UIMC1: variants seen among roughly 807,000 people sequenced by gnomAD.
UIMC1 encodes the protein BRCA1-A complex subunit RAP80.
Under a neutral mutation model 84.9 loss-of-function variants are expected in UIMC1, and 42 were observed. The observed-to-expected ratio is 0.49, with a 90% CI of 0.39 to 0.64. UIMC1 has a LOEUF of 0.64. Ranked by LOEUF, UIMC1 falls within the 30% of genes least tolerant of loss-of-function variation. UIMC1 has a pLI of 0.00. For synonymous variants in UIMC1, 281 were observed against 293.0 expected (o/e 0.96, Z 0.42); for missense variants, 825 against 847.6 (o/e 0.97, Z 0.33).
At chr5:176,932,126 C>T (rs1361773947) in intron 10 of UIMC1, among the ~76,000 whole-genome samples, 1 of 152,142 alleles carries the variant, frequency 6.6e-6, no homozygotes, top group East Asian at 1.9e-4. Flanking sequence ...CATTCAGTAG[C>T]TAAGAGTATG....
At chr5:176,969,761 GA>G in intron 4 of UIMC1, 55 bp from the exon 5 acceptor site, 1 of 1,513,708 alleles carries the variant, frequency 6.6e-7, no homozygotes, top group Non-Finnish European at 9.1e-7. Flanking sequence ...AACTATATAT[GA>G]AGGGTCACAG....
At chr5:177,014,901 C>T (rs541506702) in intron 1 of UIMC1, among the ~76,000 whole-genome samples, 7 of 152,076 alleles carry the variant, frequency 4.6e-5, no homozygotes, top group Admixed American at 3.3e-4. Context: ...TAACTTTATC[C>T]GGTAAGCAAC....
intron 1 of UIMC1, among the ~76,000 whole-genome samples, chr5:176,997,067 G>A (rs1773716350): frequency 6.6e-6 from 1 of 152,130 alleles, no homozygotes; most frequent in South Asian, 2.1e-4. Context: ...AGAGCCCTGA[G>A]AAAAGAGTTG....
intron 10 of UIMC1, among the ~76,000 whole-genome samples, chr5:176,930,536 T>A (rs113926331): frequency 6.6e-6 from 1 of 152,216 alleles, no homozygotes; most frequent in African/African-American, 2.4e-5. Flanking sequence ...ATTAGAACAA[T>A]ATACAAAAAG....
At chr5:176,969,940 G>T in intron 4 of UIMC1, 2 of 431,540 alleles carry the variant, frequency 4.6e-6, no homozygotes, top group South Asian at 3.4e-5. Context: ...TAAAAAGATG[G>T]TTCAGGACCT....
chr5:176,955,307 TA>T (rs1447846969), intron 8 of UIMC1, among the ~76,000 whole-genome samples: 1 of 152,108 alleles, frequency 6.6e-6, no homozygotes, highest in Non-Finnish European at 1.5e-5. Context: ...AAAAGCAAAC[TA>T]AAGCACTTAA....
intron 1 of UIMC1, among the ~76,000 whole-genome samples, chr5:176,995,114 C>A (rs1773415221): frequency 6.6e-6 from 1 of 152,078 alleles, no homozygotes; most frequent in South Asian, 2.1e-4. Context: ...CTCTTTTTAA[C>A]TTTGCTTCAA....
Position 176,969,211 on chromosome 5 carries a change from G to A in UIMC1, c.544C>T (p.Pro182Ser), listed in dbSNP as rs775831076. The A allele has an allele frequency of 3.1e-5, 50 of 1,614,022 alleles. No individual in the cohort carries two copies. The highest frequency in any genetic ancestry group is 3.9e-5 in the Non-Finnish European group (46 of 1,180,030). Residue 182 changes from proline to serine, a missense_variant, in exon 6 of 15, where the codon CCT becomes TCT. By Grantham distance (74) the Pro-to-Ser change is moderately conservative. Transcript: ENST00000511320. Reference sequence around the variant, plus strand: ...TCAGTTTTTTCAGTGTGGTCCCAAGGCTCCTCTCTTTCCTCAGCCTCGTTT... The same window carrying A: ...TCAGTTTTTTCAGTGTGGTCCCAAGACTCCTCTCTTTCCTCAGCCTCGTTT... The part of the protein sequence containing the change: ...QGNEAEEREE[P>S]WDHTEKTEEE...
rs1206137074 is a variant in UIMC1 at position 176,905,128 on chromosome 5, TAAA to T, written c.*151_*153del. On this transcript the variant is annotated 3_prime_UTR_variant, in exon 15 of 15. Transcript: ENST00000511320. ...AATACACAGTTGTCTGCATAGATCATAAAAAACATAAAAACCAGAATGCTGGGT... is the reference window on the plus strand; with the variant it reads ...AATACACAGTTGTCTGCATAGATCATAAACATAAAAACCAGAATGCTGGGT... 239 of 693,444 alleles carry T rather than the reference TAAA, an allele frequency of 3.4e-4. No homozygotes were observed. Among genetic ancestry groups the T allele is most frequent in the Non-Finnish European group, 1.8e-4 (76 of 421,054 alleles). The allele number at this position is 693,444 out of a possible 1,614,324, so 43.0% of individuals were successfully genotyped here.
chr5:176,953,148 A>C (rs1159779427), intron 8 of UIMC1, among the ~76,000 whole-genome samples: 1 of 152,162 alleles, frequency 6.6e-6, no homozygotes, highest in Non-Finnish European at 1.5e-5. Flanking sequence ...CAGACACTGA[A>C]TCTGCCAACT....
chr5:176,981,273 T>C (rs547880998), intron 2 of UIMC1, among the ~76,000 whole-genome samples: 1 of 151,348 alleles, frequency 6.6e-6, no homozygotes, highest in Non-Finnish European at 1.5e-5. Context: ...GCCTCCAAAG[T>C]AGCTGGGACT....
chr5:177,021,486 G>A (rs1169874512), intron 1 of UIMC1, among the ~76,000 whole-genome samples: 1 of 152,174 alleles, frequency 6.6e-6, no homozygotes, highest in Non-Finnish European at 1.5e-5. Flanking sequence ...AGTAGCCAGA[G>A]AAGGAAGTGG....
intron 10 of UIMC1, among the ~76,000 whole-genome samples, chr5:176,935,103 C>T (rs1201926572): frequency 6.6e-6 from 1 of 152,130 alleles, no homozygotes; most frequent in Non-Finnish European, 1.5e-5. Context: ...TAACACTCAC[C>T]AATAATTATT....
rs538412464 is a variant in UIMC1 at position 176,951,856 on chromosome 5, T to C, written c.1340-279A>G. 2.6e-5 allele frequency among the ~76,000 whole-genome samples: 4 copies of C among 152,330 alleles called. No homozygotes were observed. The East Asian group carries it at 7.7e-4, about 29-fold the overall frequency. On this transcript the variant is annotated intron_variant, in intron 8 of 14. Coordinates refer to ENST00000511320, the MANE Select transcript of UIMC1 (RefSeq NM_001199298.2). ...CATGTAACCTCTACGATAATCAAGATATAAAACATTTCCAACACCCCAAAA... is the reference window on the plus strand; with the variant it reads ...CATGTAACCTCTACGATAATCAAGACATAAAACATTTCCAACACCCCAAAA...
At chr5:176,992,032 T>C (rs1391999260) in intron 1 of UIMC1, among the ~76,000 whole-genome samples, 1 of 151,084 alleles carries the variant, frequency 6.6e-6, no homozygotes, top group African/African-American at 2.4e-5. Flanking sequence ...TAAAGTGGCA[T>C]GATCACCTGA....
In UIMC1 at chr5:176,969,215, C is replaced by T; in HGVS notation, c.540G>A (p.Glu180=). The T allele has an allele frequency of 1.9e-6, 3 of 1,614,208 alleles. No homozygotes were observed. The highest frequency in any genetic ancestry group is 2.5e-6 in the Non-Finnish European group (3 of 1,180,020). ...TTTTTTCAGTGTGGTCCCAAGGCTC[C>T]TCTCTTTCCTCAGCCTCGTTTCCCT... ...ISQGNEAEER[E]EPWDHTEKTE... Residue 180 remains glutamate (E), a synonymous_variant, in exon 6 of 15, where the codon GAG becomes GAA. Coordinates refer to ENST00000511320, the MANE Select transcript of UIMC1 (RefSeq NM_001199298.2).
intron 11 of UIMC1, among the ~76,000 whole-genome samples, chr5:176,910,828 C>A (rs1405906223): frequency 6.6e-6 from 1 of 152,126 alleles, no homozygotes; most frequent in Admixed American, 6.5e-5. Context: ...CAGTGGCTCA[C>A]GCCTGTAATC....
chr5:176,908,923 G>A (rs192832502), intron 11 of UIMC1, among the ~76,000 whole-genome samples: 15 of 152,348 alleles, frequency 9.8e-5, no homozygotes, highest in Admixed American at 7.2e-4. Context: ...GTACCCTGCT[G>A]TTGCAGCAGT....
chr5:176,945,592 C>T (rs353479), intron 9 of UIMC1, among the ~76,000 whole-genome samples: 63,148 of 152,002 alleles, frequency 0.42, 13,415 homozygotes, highest in East Asian at 0.48. Context: ...ATTCCTATCC[C>T]AGAAAAAGAT....
Sources: allele counts gnomAD v4.1 joint callset (sites outside exome capture counted in the v4.1 genomes callset), GRCh38; gene constraint gnomAD v4.1.1; transcripts MANE v1.5; gene names NCBI Gene and HGNC (gene_info 2026-07-23, HGNC 2026-07-21).